The following TMEFF2 variants were observed in gnomAD, a reference collection of about 807,000 sequenced individuals.
TMEFF2 encodes the protein transmembrane protein with EGF like and two follistatin like domains 2, also known as tomoregulin-2.
Under a neutral mutation model 53.8 loss-of-function variants are expected in TMEFF2, and 28 were observed. That is an observed-to-expected ratio of 0.52 (90% CI 0.39 to 0.71). TMEFF2 has a LOEUF of 0.71. Ranked by LOEUF, TMEFF2 falls within the 30% of genes least tolerant of loss-of-function variation. The pLI, the probability that TMEFF2 is intolerant of heterozygous loss-of-function variation, is 0.00. For synonymous variants in TMEFF2, 162 were observed against 166.3 expected (o/e 0.97, Z 0.20); for missense variants, 353 against 455.2 (o/e 0.78, Z 2.04).
At chr2:192,004,633 T>C (rs1686454375) in intron 5 of TMEFF2, among the ~76,000 whole-genome samples, 2 of 152,040 alleles carry the variant, frequency 1.3e-5, no homozygotes, top group South Asian at 4.2e-4. Context: ...TAATTAAAAA[T>C]ACGTTTTGAA....
chr2:192,037,370 G>GT (rs1025794662), intron 5 of TMEFF2, among the ~76,000 whole-genome samples: 7 of 150,398 alleles, frequency 4.7e-5, no homozygotes. Context: ...TCTCACTTAA[G>GT]TTTTTTTTCT....
chr2:192,178,644 C>T (rs1691110258), intron 4 of TMEFF2: 2 of 151,148 alleles, frequency 1.3e-5, no homozygotes, highest in African/African-American at 4.8e-5. Context: ...CTAGTTAAGT[C>T]TTTCATTACA....
At chr2:192,088,238 G>A (rs141766370) in intron 4 of TMEFF2, among the ~76,000 whole-genome samples, 1 of 152,080 alleles carries the variant, frequency 6.6e-6, no homozygotes, top group Non-Finnish European at 1.5e-5. Context: ...TGTGCCCACA[G>A]GTAAGAAAAG....
chr2:192,099,788 T>A (rs1195716509), intron 4 of TMEFF2, among the ~76,000 whole-genome samples: 2 of 152,098 alleles, frequency 1.3e-5, no homozygotes, highest in East Asian at 3.9e-4. Flanking sequence ...ATTGCTTTTT[T>A]TTTTTTCCAT....
Position 192,184,336 on chromosome 2 carries a change from A to G in TMEFF2, c.412+18T>C. ...TTGGAATCCATGCAGAAGGTTTCAA[A>G]GAAGATCACACACATACCTGTGGCA... On this transcript the variant is annotated intron_variant, in intron 3 of 9. Transcript: ENST00000272771. 1.9e-6 allele frequency: 3 copies of G among 1,612,032 alleles called. No homozygotes were observed. The highest frequency in any genetic ancestry group is 2.5e-6 in the Non-Finnish European group (3 of 1,178,816).
intron 4 of TMEFF2, among the ~76,000 whole-genome samples, chr2:192,136,543 GTGTATAGT>G (rs1553524284): frequency 6.6e-6 from 1 of 152,078 alleles, no homozygotes; most frequent in Non-Finnish European, 1.5e-5. Flanking sequence ...TTTAAATTGA[GTGTATAGT>G]AGTATTACCA....
At chr2:192,145,771 T>C (rs1470002494) in intron 4 of TMEFF2, among the ~76,000 whole-genome samples, 2 of 152,026 alleles carry the variant, frequency 1.3e-5, no homozygotes, top group Non-Finnish European at 2.9e-5. Flanking sequence ...TCAGTTTTCA[T>C]CGGTATATTT....
intron 5 of TMEFF2, among the ~76,000 whole-genome samples, chr2:192,016,006 G>C (rs1412116517): frequency 6.6e-6 from 1 of 152,198 alleles, no homozygotes; most frequent in Non-Finnish European, 1.5e-5. Context: ...GGTCTGTACA[G>C]AGATGTATCA....
chr2:192,037,873 C>T (rs1687370667), intron 5 of TMEFF2: 1 of 152,142 alleles, frequency 6.6e-6, no homozygotes, highest in Non-Finnish European at 1.5e-5. Context: ...TATCCTATAG[C>T]ATTCTGCAGT....
chr2:192,192,239 A>T (rs1407443892), intron 1 of TMEFF2, among the ~76,000 whole-genome samples: 3 of 151,892 alleles, frequency 2.0e-5, no homozygotes, highest in Non-Finnish European at 4.4e-5. Flanking sequence ...TATTTTTTAA[A>T]GCTTGCGTTA....
In TMEFF2 at chr2:192,113,511, TCTTC is replaced by T. The variant is rs1353926117; in HGVS notation, c.440-55740_440-55737del. Among the ~76,000 whole-genome samples the T allele has an allele frequency of 5.9e-5, 9 of 152,216 alleles. No homozygotes were observed. The South Asian group carries it at 1.7e-3, about 28-fold the overall frequency. The stretch of plus-strand genomic sequence containing the variant: ...AGAACATATTTTTGTTTGGGATATT[TCTTC>T]CTTAAGAAATTTCTTTTCTCTGCAT... On this transcript the variant is annotated intron_variant, in intron 4 of 9. Coordinates refer to ENST00000272771, the MANE Select transcript of TMEFF2 (RefSeq NM_016192.4).
chr2:192,166,429 C>G (rs967656657), intron 4 of TMEFF2, among the ~76,000 whole-genome samples: 4 of 152,092 alleles, frequency 2.6e-5, no homozygotes, highest in African/African-American at 9.7e-5. Flanking sequence ...GGAATATAGA[C>G]TTTTTAGGGA....
chr2:192,079,590 T>C (rs17431448), intron 4 of TMEFF2, among the ~76,000 whole-genome samples: 8,855 of 152,292 alleles, frequency 0.058, 364 homozygotes, highest in Non-Finnish European at 0.092. Context: ...GTTATTGTGG[T>C]ACTATGTATT....
chr2:192,071,431 C>T (rs866434413), intron 4 of TMEFF2, among the ~76,000 whole-genome samples: 1 of 151,834 alleles, frequency 6.6e-6, no homozygotes. Flanking sequence ...TCTGCTTATT[C>T]TTACATGTAG....
intron 4 of TMEFF2, among the ~76,000 whole-genome samples, chr2:192,158,162 A>G (rs1267402402): frequency 6.6e-6 from 1 of 152,096 alleles, no homozygotes; most frequent in East Asian, 1.9e-4. Flanking sequence ...AATGTAAGAA[A>G]TTTATCTGTA....
chr2:192,131,005 C>A (rs572274431), intron 4 of TMEFF2, among the ~76,000 whole-genome samples: 140 of 152,124 alleles, frequency 9.2e-4, no homozygotes, highest in African/African-American at 3.3e-3. Flanking sequence ...CGCAGGGACG[C>A]CTGCCTTGGT....
At chr2:192,172,605 GA>G (rs1337252557) in intron 4 of TMEFF2, among the ~76,000 whole-genome samples, 1 of 151,932 alleles carries the variant, frequency 6.6e-6, no homozygotes, top group Non-Finnish European at 1.5e-5. Context: ...AGAAGATCAG[GA>G]ATGGGATTAG....
intron 4 of TMEFF2, among the ~76,000 whole-genome samples, chr2:192,146,515 TC>T (rs1173028089): frequency 1.3e-5 from 2 of 152,056 alleles, no homozygotes; most frequent in Non-Finnish European, 2.9e-5. Context: ...CAAGCTCTTC[TC>T]CCCAAGTGTC....
At chr2:192,020,159 T>A (rs1326913189) in intron 5 of TMEFF2, among the ~76,000 whole-genome samples, 2 of 152,134 alleles carry the variant, frequency 1.3e-5, no homozygotes, top group Non-Finnish European at 2.9e-5. Flanking sequence ...CCTAGTATTG[T>A]TGGTTCTTCA....
Sources: gnomAD v4.1 joint callset for allele counts (sites outside exome capture counted in the v4.1 genomes callset) on GRCh38, gnomAD v4.1.1 for gene constraint, MANE v1.5 for transcripts, NCBI Gene and HGNC (gene_info 2026-07-23, HGNC 2026-07-21) for gene names.